AGAP1: variants seen among roughly 807,000 people sequenced by gnomAD.
AGAP1 encodes ArfGAP with GTPase domain, ankyrin repeat and PH domain 1.
AGAP1 carries 29 observed loss-of-function variants against 105.3 expected under a neutral mutation model. The ratio of observed to expected loss-of-function variants is 0.28; its 90% CI spans 0.21 to 0.38. The LOEUF (loss-of-function observed/expected upper bound fraction) is 0.38, where lower values mean the gene tolerates loss of function less well. AGAP1 is among the 10% of genes least tolerant of loss of function. The pLI is 1.00. For missense variants in AGAP1, 998 were observed against 1,165.1 expected (o/e 0.86, Z 2.09); for synonymous variants, 509 against 485.9 (o/e 1.05, Z -0.63).
rs1952811637 is a variant in AGAP1, at chr2:235,744,941, C to T, written c.538+102C>T. The T allele has an allele frequency of 1.2e-5, 17 of 1,370,022 alleles. No individual in the cohort carries two copies. The highest frequency in any genetic ancestry group is 1.7e-5 in the Non-Finnish European group (17 of 1,013,544). 84.9% of individuals were successfully genotyped at this position (1,370,022 alleles called of 1,614,324 possible). A position where few individuals can be genotyped will look rare whatever the true frequency, so the allele number is the denominator to read the frequency against. ...AATGCTTTAAAGAAGGAAAAATTGC[C>T]TACTGAACGCTCACTTTTTTGGGAA... On this transcript the variant is annotated intron_variant, in intron 5 of 17. Transcript: ENST00000304032. This position sits in a 1 kb window ranked among gnomAD's most constrained non-coding sequence, Gnocchi z 5.2.
In AGAP1 at chr2:235,558,442, A is replaced by G. The variant is rs182755315; in HGVS notation, c.163+63593A>G. On this transcript the variant is annotated intron_variant, in intron 1 of 17. Coordinates refer to ENST00000304032, the MANE Select transcript of AGAP1 (RefSeq NM_001037131.3). ...AGAATAAAGTGTGACCAGGAAAACC[A>G]TGTTTTGAAATCTGACCTCTCAAGC... is the stretch of plus-strand genomic sequence containing the variant. Among the ~76,000 whole-genome samples the G allele has an allele frequency of 2.1e-3, 323 of 152,248 alleles. 7 individuals are homozygous for G. Among genetic ancestry groups the G allele is most frequent in the Non-Finnish European group, 4.7e-4 (32 of 68,006 alleles).
intron 16 of AGAP1, among the ~76,000 whole-genome samples, chr2:236,079,760 G>A (rs1472354387): frequency 6.6e-6 from 1 of 152,086 alleles, no homozygotes; most frequent in Non-Finnish European, 1.5e-5. Flanking sequence ...GGTACAGACG[G>A]AGGGAACCCC....
At chr2:235,507,987 G>T (rs1941899124) in intron 1 of AGAP1, among the ~76,000 whole-genome samples, 1 of 152,100 alleles carries the variant, frequency 6.6e-6, no homozygotes, top group East Asian at 1.9e-4. Context: ...GGTGGCCGTT[G>T]TTCCATTCTT....
chr2:236,088,803 C>G (rs558239647), intron 16 of AGAP1, among the ~76,000 whole-genome samples: 2 of 152,300 alleles, frequency 1.3e-5, no homozygotes, highest in Middle Eastern at 3.4e-3. Context: ...TCTATGTATC[C>G]TTCTGCTTCT....
chr2:235,930,621 T>C lies in AGAP1; in HGVS notation c.1325-144T>C. 1 of 749,608 alleles carries C rather than the reference T, an allele frequency of 1.3e-6. No individual in the cohort carries two copies. Among genetic ancestry groups the C allele is most frequent in the Non-Finnish European group, 2.1e-6 (1 of 477,326 alleles). The allele number at this position is 749,608 out of a possible 1,614,324, so 46.4% of individuals were successfully genotyped here. A position where few individuals can be genotyped will look rare whatever the true frequency, so the allele number is the denominator to read the frequency against. On this transcript the variant is annotated intron_variant, in intron 11 of 17. Coordinates refer to ENST00000304032, the MANE Select transcript of AGAP1 (RefSeq NM_001037131.3). The surrounding 1 kb of genome is among the most constrained non-coding windows in gnomAD (Gnocchi z 7.9). Reference sequence around the variant, plus strand: ...TCCCGAATAGTTTCTGTCTGGCGCTTCCGTTTGCCATGCAGGCAGGACAGG... The same window carrying C: ...TCCCGAATAGTTTCTGTCTGGCGCTCCCGTTTGCCATGCAGGCAGGACAGG...
intron 1 of AGAP1, among the ~76,000 whole-genome samples, chr2:235,522,962 C>T (rs1048232488): frequency 5.3e-5 from 8 of 152,250 alleles, no homozygotes; most frequent in African/African-American, 1.9e-4. Context: ...TTAGCTGGGG[C>T]TACTGTAGCA....
rs966119887 is a variant in AGAP1 at position 236,129,757 on chromosome 2, C to T, written c.*5635C>T. On this transcript the variant is annotated 3_prime_UTR_variant, in exon 18 of 18. Coordinates refer to ENST00000304032, the MANE Select transcript of AGAP1 (RefSeq NM_001037131.3). The surrounding 1 kb of genome is among the most constrained non-coding windows in gnomAD (Gnocchi z 6.2). ...TGCGGCTTTCTTCGCGTCACATGTC[C>T]GCATTGGCAGGTGATTCTGGAAAGG... 6.6e-6 allele frequency: 1 copy of T among 152,200 alleles called. No individual in the cohort carries two copies. The allele number at this position is 152,200 out of a possible 1,614,324, so 9.4% of individuals were successfully genotyped here.
rs1946106999 is a variant in AGAP1 at position 235,610,990 on chromosome 2, A to G, written c.164-98189A>G. The stretch of plus-strand genomic sequence containing the variant: ...GTTAGCTTGGCTTTCTTCCTAAGGC[A>G]CCGTCTTCCTCATTGAAACTGTGCC... On this transcript the variant is annotated intron_variant, in intron 1 of 17. Transcript: ENST00000304032. The surrounding 1 kb of genome is among the most constrained non-coding windows in gnomAD (Gnocchi z 4.9). Among the ~76,000 whole-genome samples, 3 of 151,986 alleles carry G rather than the reference A, an allele frequency of 2.0e-5. No individual in the cohort carries two copies. Among genetic ancestry groups the G allele is most frequent in the Admixed American group, 2.0e-4 (3 of 15,266 alleles).
In AGAP1 at chr2:235,736,506, T is replaced by A. The variant is rs1331798840; in HGVS notation, c.311-4457T>A. 6.6e-6 allele frequency among the ~76,000 whole-genome samples: 1 copy of A among 152,052 alleles called. No homozygotes were observed. Among genetic ancestry groups the A allele is most frequent in the East Asian group, 1.9e-4 (1 of 5,180 alleles). ...CGAACCAGACCTGCAGGAAAATACATGGAAATGGGGACAAAACAGGCATTT... is the reference window on the plus strand; with the variant it reads ...CGAACCAGACCTGCAGGAAAATACAAGGAAATGGGGACAAAACAGGCATTT... On this transcript the variant is annotated intron_variant, in intron 3 of 17. Transcript: ENST00000304032. The surrounding 1 kb of genome is among the most constrained non-coding windows in gnomAD (Gnocchi z 5.5).
rs564816033 is a variant in AGAP1, at chr2:236,054,119, A to T, written c.2114+4838A>T. Among the ~76,000 whole-genome samples the T allele has an allele frequency of 2.7e-4, 41 of 152,264 alleles. No individual in the cohort carries two copies. The Middle Eastern group carries it at 0.014, about 51-fold the overall frequency. On this transcript the variant is annotated intron_variant, in intron 16 of 17. Coordinates refer to ENST00000304032, the MANE Select transcript of AGAP1 (RefSeq NM_001037131.3). ...GTGATGTGAGTTCCATCTCTTTTTGATTCTGGAACTCCACTTTCATCTTAT... is the reference window on the plus strand; with the variant it reads ...GTGATGTGAGTTCCATCTCTTTTTGTTTCTGGAACTCCACTTTCATCTTAT...
intron 1 of AGAP1, among the ~76,000 whole-genome samples, chr2:235,589,658 A>G (rs930902100): frequency 2.0e-5 from 3 of 152,130 alleles, no homozygotes; most frequent in African/African-American, 7.2e-5. Context: ...ATTATTCTGG[A>G]TGACAGAATG....
Position 235,639,670 on chromosome 2 carries a change from G to A in AGAP1, c.164-69509G>A, listed in dbSNP as rs1005139375. 6.6e-6 allele frequency among the ~76,000 whole-genome samples: 1 copy of A among 152,184 alleles called. No homozygotes were observed. Among genetic ancestry groups the A allele is most frequent in the South Asian group, 2.1e-4 (1 of 4,828 alleles). On this transcript the variant is annotated intron_variant, in intron 1 of 17. Coordinates refer to ENST00000304032, the MANE Select transcript of AGAP1 (RefSeq NM_001037131.3). This position sits in a 1 kb window ranked among gnomAD's most constrained non-coding sequence, Gnocchi z 5.3. ...GCACACTGTTGTTTGGGGAAGAATCGCAGGGACTCTCCTTCACTCTTAGAT... is the reference window on the plus strand; with the variant it reads ...GCACACTGTTGTTTGGGGAAGAATCACAGGGACTCTCCTTCACTCTTAGAT...
intron 1 of AGAP1, among the ~76,000 whole-genome samples, chr2:235,632,117 T>C (rs1301755277): frequency 6.6e-6 from 1 of 152,202 alleles, no homozygotes; most frequent in African/African-American, 2.4e-5. Context: ...TTTTCAGACA[T>C]ATGTGGCCAA....
In AGAP1 at chr2:235,739,255, G is replaced by A. The variant is rs1952436891; in HGVS notation, c.311-1708G>A. Among the ~76,000 whole-genome samples the A allele has an allele frequency of 6.6e-6, 1 of 152,254 alleles. No individual in the cohort carries two copies. Among genetic ancestry groups the A allele is most frequent in the Non-Finnish European group, 1.5e-5 (1 of 68,048 alleles). ...TATCGGGGTCTGGGGGCGACCGTCT[G>A]CAGCACCGTCACATACGTGGGGACG... On this transcript the variant is annotated intron_variant, in intron 3 of 17. Transcript: ENST00000304032. This position sits in a 1 kb window ranked among gnomAD's most constrained non-coding sequence, Gnocchi z 5.3.
chr2:235,588,979 G>A (rs750906479), intron 1 of AGAP1, among the ~76,000 whole-genome samples: 3 of 151,956 alleles, frequency 2.0e-5, no homozygotes, highest in Non-Finnish European at 4.4e-5. Context: ...CGTTGTGCTC[G>A]TGCTGAGTTG....
Position 235,557,862 on chromosome 2 carries a change from G to A in AGAP1, c.163+63013G>A, listed in dbSNP as rs1944021787. On this transcript the variant is annotated intron_variant, in intron 1 of 17. Transcript: ENST00000304032. The surrounding 1 kb of genome is among the most constrained non-coding windows in gnomAD (Gnocchi z 4.7). The stretch of plus-strand genomic sequence containing the variant: ...TTTAGATTCACAGTTAACTGTTGAT[G>A]CTTAAATGACATTTGAGGAACCTAT... Among the ~76,000 whole-genome samples the A allele has an allele frequency of 6.6e-6, 1 of 152,234 alleles. No homozygotes were observed. Among genetic ancestry groups the A allele is most frequent in the Non-Finnish European group, 1.5e-5 (1 of 68,038 alleles).
intron 1 of AGAP1, among the ~76,000 whole-genome samples, chr2:235,708,454 A>G (rs978954753): frequency 2.6e-5 from 4 of 152,162 alleles, no homozygotes; most frequent in African/African-American, 9.7e-5. Context: ...CACTGTGCAC[A>G]GGCAGTCAGG....
In AGAP1 at chr2:235,834,116, C is replaced by G. The variant is rs189251769; in HGVS notation, c.1050+26785C>G. Among the ~76,000 whole-genome samples, 102 of 152,240 alleles carry G rather than the reference C, an allele frequency of 6.7e-4. 1 individual carries two copies. In the East Asian group the frequency reaches 0.016, roughly 24 times the overall value. On this transcript the variant is annotated intron_variant, in intron 9 of 17. Transcript: ENST00000304032. ...CGGGCACACTGAGTTCTCATTTGCC[C>G]GGTTGGAACAGCTGATGGTTAGTTC...
At chr2:235,516,288 C>T (rs1371553518) in intron 1 of AGAP1, among the ~76,000 whole-genome samples, 2 of 152,152 alleles carry the variant, frequency 1.3e-5, no homozygotes, top group Non-Finnish European at 2.9e-5. Flanking sequence ...TGCTCCCCAG[C>T]CCCCAGAAAT....
Sources: gnomAD v4.1 joint callset for allele counts (sites outside exome capture counted in the v4.1 genomes callset) on GRCh38, gnomAD v4.1.1 for gene constraint, Gnocchi (gnomAD v3.1) non-coding constraint, MANE v1.5 for transcripts, NCBI Gene and HGNC (gene_info 2026-07-23, HGNC 2026-07-21) for gene names.